The following TAPBPL variants were observed in gnomAD, a reference collection of about 807,000 sequenced individuals.
TAPBPL encodes tapasin-related protein.
In TAPBPL, 32 loss-of-function variants were observed where a neutral mutation model predicts 44.8. That is an observed-to-expected ratio of 0.71 (90% CI 0.54 to 0.96). The LOEUF is 0.96. TAPBPL is among the 40% of genes least tolerant of loss of function. TAPBPL has a pLI of 0.00. For synonymous variants in TAPBPL, 230 were observed against 240.7 expected (o/e 0.96, Z 0.41); for missense variants, 520 against 586.6 (o/e 0.89, Z 1.17).
chr12:6,463,166 A>T, downstream of TAPBPL: 1 of 1,443,574 alleles, frequency 6.9e-7, no homozygotes, highest in Admixed American at 2.7e-5. This position sits in a 1 kb window ranked among gnomAD's most constrained non-coding sequence, Gnocchi z 4.0. Flanking sequence ...CCATGCAAAG[A>T]GGAGGAAGAG....
chr12:6,470,600 C>A, downstream of TAPBPL: 1 of 1,604,064 alleles, frequency 6.2e-7, no homozygotes, highest in Non-Finnish European at 8.5e-7. Flanking sequence ...GTGAGGGACG[C>A]TGCGGCTGAA....
chr12:6,453,485 C>T lies in TAPBPL; in HGVS notation c.334C>T (p.His112Tyr), dbSNP rs1949618767. ...VQIPQAEALLHADCSGKEVTC... is the reference protein window; with the variant it reads ...VQIPQAEALLYADCSGKEVTC... ...GATTCCCCAGGCCGAGGCCTTGCTC[C>T]ATGCTGACTGCAGTGGGAAGGAGGT... The change falls in exon 3 of 7, where the codon CAT becomes TAT. Residue 112 changes from histidine (H) to tyrosine (Y), a missense_variant. His to Tyr is a moderately conservative substitution (Grantham distance 83). Transcript: ENST00000266556. The surrounding 1 kb of genome is among the most constrained non-coding windows in gnomAD (Gnocchi z 4.8). 6.2e-7 allele frequency: 1 copy of T among 1,614,200 alleles called. No homozygotes were observed. The highest frequency in any genetic ancestry group is 8.5e-7 in the Non-Finnish European group (1 of 1,180,024).
At chr12:6,470,674 T>C, downstream of TAPBPL, 1 of 1,063,758 alleles carries the variant, frequency 9.4e-7, no homozygotes, top group Non-Finnish European at 1.4e-6. Context: ...CGCTGGAACT[T>C]ACTGCAGCTG....
chr12:6,462,980 A>T, downstream of TAPBPL: 1 of 1,551,558 alleles, frequency 6.4e-7, no homozygotes, highest in Non-Finnish European at 8.7e-7. Context: ...CTGTTCGTGG[A>T]CCGAGGGAAG....
rs754210811 is a variant in TAPBPL at position 6,460,904 on chromosome 12, T to C, written c.1257T>C (p.Leu419=). 90 of 1,613,994 alleles carry C rather than the reference T, an allele frequency of 5.6e-5. No homozygotes were observed. The highest frequency in any genetic ancestry group is 7.4e-5 in the Non-Finnish European group (87 of 1,180,004). ...GVIFASSLFL[L]ALMFLGLQRR... Reference sequence around the variant, plus strand: ...TCTTTGCCAGCAGTCTCTTCCTTCTTGCACTGATGTTCCTGGGGCTTCAGA... The same window carrying C: ...TCTTTGCCAGCAGTCTCTTCCTTCTCGCACTGATGTTCCTGGGGCTTCAGA... Residue 419 remains leucine, a synonymous_variant, in exon 6 of 7, where the codon CTT becomes CTC. Coordinates refer to ENST00000266556, the MANE Select transcript of TAPBPL (RefSeq NM_018009.5).
downstream of TAPBPL, chr12:6,464,905 C>T (rs147397648): frequency 5.0e-6 from 8 of 1,614,016 alleles, no homozygotes; most frequent in African/African-American, 1.3e-5. Context: ...ATAACTACCA[C>T]GATGATGGCA....
downstream of TAPBPL, chr12:6,466,065 C>A: frequency 6.2e-7 from 1 of 1,612,096 alleles, no homozygotes; most frequent in Non-Finnish European, 8.5e-7. Flanking sequence ...GGACAACAAC[C>A]AGAGAATCAC....
At chr12:6,465,164 C>T, downstream of TAPBPL, 1 of 585,540 alleles carries the variant, frequency 1.7e-6, no homozygotes, top group Non-Finnish European at 2.9e-6. Flanking sequence ...ACAGGACCTG[C>T]ATTGAGCTCC....
downstream of TAPBPL, chr12:6,464,696 G>C (rs1425881290): frequency 1.3e-6 from 2 of 1,500,212 alleles, no homozygotes; most frequent in Non-Finnish European, 1.8e-6. Context: ...ATGCGTTGCA[G>C]GGGGAAGGCT....
chr12:6,470,860 C>G, downstream of TAPBPL: 1 of 467,656 alleles, frequency 2.1e-6, no homozygotes, highest in Non-Finnish European at 3.9e-6. Context: ...GGAGCGGTTG[C>G]TGTGAGGATC....
At chr12:6,467,575 C>A (rs574495176), downstream of TAPBPL, among the ~76,000 whole-genome samples, 179 of 152,296 alleles carry the variant, frequency 1.2e-3, 1 homozygote, top group African/African-American at 4.1e-3. Flanking sequence ...AAGAAAAAAA[C>A]CATTTTTTTG....
intron 3 of TAPBPL, among the ~76,000 whole-genome samples, chr12:6,455,145 A>T (rs1279783428): frequency 6.6e-6 from 1 of 152,192 alleles, no homozygotes; most frequent in Admixed American, 6.5e-5. Flanking sequence ...AGTTGTTAAC[A>T]ATTTGCCACA....
intron 4 of TAPBPL, among the ~76,000 whole-genome samples, chr12:6,458,123 C>T (rs1448235869): frequency 6.6e-6 from 1 of 152,202 alleles, no homozygotes; most frequent in East Asian, 1.9e-4. Context: ...CGCGGTGGCT[C>T]ACACCTATAA....
downstream of TAPBPL, among the ~76,000 whole-genome samples, chr12:6,468,685 T>A (rs1391236015): frequency 6.6e-6 from 1 of 152,194 alleles, no homozygotes; most frequent in Non-Finnish European, 1.5e-5. Flanking sequence ...GTTCTCTCAT[T>A]CTGTACCACT....
intron 4 of TAPBPL, 56 bp downstream of exon 4, chr12:6,457,800 C>A: frequency 6.8e-7 from 1 of 1,461,614 alleles, no homozygotes; most frequent in Admixed American, 2.6e-5. Context: ...CTACTGGGAG[C>A]GTTTCCAGAT....
chr12:6,470,733 C>G, downstream of TAPBPL: 1 of 655,290 alleles, frequency 1.5e-6, no homozygotes, highest in Non-Finnish European at 2.7e-6. Context: ...TCCCGGATAA[C>G]GGTGACAACC....
chr12:6,455,947 A>G (rs1949693104), intron 3 of TAPBPL, among the ~76,000 whole-genome samples: 1 of 152,062 alleles, frequency 6.6e-6, no homozygotes, highest in South Asian at 2.1e-4. Context: ...TTTAGTAGAG[A>G]TGGGGTTTCA....
downstream of TAPBPL, chr12:6,463,577 G>T: frequency 9.4e-7 from 1 of 1,062,466 alleles, no homozygotes; most frequent in Non-Finnish European, 1.1e-6. The surrounding 1 kb of genome is among the most constrained non-coding windows in gnomAD (Gnocchi z 4.0). Flanking sequence ...TTCAAATTAA[G>T]CACTTGACTC....
At chr12:6,460,763 G>GCTC in intron 5 of TAPBPL, 92 bp from the exon 6 acceptor site, 1 of 1,237,348 alleles carries the variant, frequency 8.1e-7, no homozygotes, top group African/African-American at 1.5e-5. Context: ...ACAATCCTTA[G>GCTC]CTCCTCCTCC....
Sources: allele counts gnomAD v4.1 joint callset (sites outside exome capture counted in the v4.1 genomes callset), GRCh38; gene constraint gnomAD v4.1.1; non-coding constraint Gnocchi (gnomAD v3.1); transcripts MANE v1.5; gene names NCBI Gene and HGNC (gene_info 2026-07-23, HGNC 2026-07-21).